The following GAL3ST2 variants were observed in gnomAD, a reference collection of about 807,000 sequenced individuals.
GAL3ST2 encodes galactose-3-O-sulfotransferase 2.
GAL3ST2 carries 16 observed loss-of-function variants against 12.9 expected under a neutral mutation model. The ratio of observed to expected loss-of-function variants is 1.24; its 90% CI spans 0.84 to 1.88. The LOEUF (loss-of-function observed/expected upper bound fraction) is 1.88, where lower values mean the gene tolerates loss of function less well. Among genes scored for constraint, GAL3ST2 ranks in the 40% most tolerant of loss-of-function variants. GAL3ST2 has a pLI of 0.00. For missense variants in GAL3ST2, 639 were observed against 571.8 expected (o/e 1.12, Z -1.20); for synonymous variants, 302 against 273.9 (o/e 1.10, Z -1.01).
In GAL3ST2 at chr2:241,800,635, T is replaced by A. The variant is rs989843310; in HGVS notation, c.120-1146T>A. Reference sequence around the variant, plus strand: ...TAAACCGCCAGAACCAGTCCGGGGCTGGGGGTCCCTGCTCAGGGGACAGTT... The same window carrying A: ...TAAACCGCCAGAACCAGTCCGGGGCAGGGGGTCCCTGCTCAGGGGACAGTT... On this transcript the variant is annotated intron_variant, in intron 2 of 3. Coordinates refer to ENST00000192314, the MANE Select transcript of GAL3ST2 (RefSeq NM_022134.3). The surrounding 1 kb of genome is among the most constrained non-coding windows in gnomAD (Gnocchi z 5.2). Among the ~76,000 whole-genome samples the A allele has an allele frequency of 2.0e-5, 3 of 152,150 alleles. No homozygotes were observed. Among genetic ancestry groups the A allele is most frequent in the Non-Finnish European group, 4.4e-5 (3 of 68,018 alleles).
chr2:241,783,671 A>G (rs1223224121), intron 1 of GAL3ST2, among the ~76,000 whole-genome samples: 2 of 152,080 alleles, frequency 1.3e-5, no homozygotes, highest in African/African-American at 4.8e-5. Flanking sequence ...ACATTTACCT[A>G]ATTATTTTAT....
At position 241,793,597 on chromosome 2, in the gene GAL3ST2, GTA is replaced by G. The variant is rs993690982; in HGVS notation, c.30-5464_30-5463del. 1.7e-4 allele frequency among the ~76,000 whole-genome samples: 24 copies of G among 144,940 alleles called. No homozygotes were observed. The highest frequency in any genetic ancestry group is 4.5e-4 in the South Asian group (2 of 4,416). ...CGTATATGTGTATGTATGTATATGT[GTA>G]TATGTGTGTGTATTGTGTGTGTACA... On this transcript the variant is annotated intron_variant, in intron 1 of 3. Coordinates refer to ENST00000192314, the MANE Select transcript of GAL3ST2 (RefSeq NM_022134.3). The surrounding 1 kb of genome is among the most constrained non-coding windows in gnomAD (Gnocchi z 4.7).
In GAL3ST2 at chr2:241,802,009, C is replaced by T. The variant is rs188018457; in HGVS notation, c.348C>T (p.Cys116=). ...CGCAGCAGCGCTTCAACATCATGTG[C>T]AACCACCTGAGGTTCAACCTGCCTC... ...VGSQQRFNIM[C]NHLRFNLPQV... Residue 116 remains cysteine, a synonymous_variant, in exon 3 of 4, where the codon TGC becomes TGT. Coordinates refer to ENST00000192314, the MANE Select transcript of GAL3ST2 (RefSeq NM_022134.3). The surrounding 1 kb of genome is among the most constrained non-coding windows in gnomAD (Gnocchi z 4.8). 1.9e-6 allele frequency: 3 copies of T among 1,612,292 alleles called. No individual in the cohort carries two copies. The East Asian group carries it at 6.7e-5, about 36-fold the overall frequency.
At position 241,793,300 on chromosome 2, in the gene GAL3ST2, A is replaced by G. The variant is rs985777234; in HGVS notation, c.30-5765A>G. Reference sequence around the variant, plus strand: ...CAGCGAGCTGGTCAGAAGGAACCGCAGGGGGATGTGTGTGTCCGTGTGTGT... The same window carrying G: ...CAGCGAGCTGGTCAGAAGGAACCGCGGGGGGATGTGTGTGTCCGTGTGTGT... On this transcript the variant is annotated intron_variant, in intron 1 of 3. Coordinates refer to ENST00000192314, the MANE Select transcript of GAL3ST2 (RefSeq NM_022134.3). This position sits in a 1 kb window ranked among gnomAD's most constrained non-coding sequence, Gnocchi z 4.7. Among the ~76,000 whole-genome samples the G allele has an allele frequency of 6.6e-6, 1 of 152,102 alleles. No homozygotes were observed. Among genetic ancestry groups the G allele is most frequent in the African/African-American group, 2.4e-5 (1 of 41,402 alleles).
chr2:241,804,219 C>T lies in GAL3ST2; in HGVS notation c.*53C>T, dbSNP rs1469104404. On this transcript the variant is annotated 3_prime_UTR_variant, in exon 4 of 4. Coordinates refer to ENST00000192314, the MANE Select transcript of GAL3ST2 (RefSeq NM_022134.3). The stretch of plus-strand genomic sequence containing the variant: ...TGCGGACACCAGCTCCTCTCTCCGC[C>T]GTCACCGGGGAGGCCGGGGATCCTT... The T allele has an allele frequency of 4.5e-6, 6 of 1,332,280 alleles. No individual in the cohort carries two copies. The highest frequency in any genetic ancestry group is 3.1e-5 in the African/African-American group (2 of 64,588). The allele number at this position is 1,332,280 out of a possible 1,614,324, so 82.5% of individuals were successfully genotyped here.
Position 241,779,279 on chromosome 2 carries a change from T to G in GAL3ST2, c.29+2295T>G, listed in dbSNP as rs373874475. ...GACGGAGTCTCGCTCTCTCTCCCAGTCTGGAGTGCAGTGGAGCGATCTCGG... is the reference window on the plus strand; with the variant it reads ...GACGGAGTCTCGCTCTCTCTCCCAGGCTGGAGTGCAGTGGAGCGATCTCGG... On this transcript the variant is annotated intron_variant, in intron 1 of 3. Coordinates refer to ENST00000192314, the MANE Select transcript of GAL3ST2 (RefSeq NM_022134.3). Among the ~76,000 whole-genome samples, 227 of 132,480 alleles carry G rather than the reference T, an allele frequency of 1.7e-3. 1 individual carries two copies. Among genetic ancestry groups the G allele is most frequent in the African/African-American group, 6.2e-3 (218 of 35,336 alleles). The allele number at this position is 132,480 out of a possible 152,430, so 86.9% of individuals were successfully genotyped here. A position where few individuals can be genotyped will look rare whatever the true frequency, so the allele number is the denominator to read the frequency against.
Position 241,803,451 on chromosome 2 carries a change from T to A in GAL3ST2, c.482T>A (p.Phe161Tyr). The A allele has an allele frequency of 3.1e-6, 5 of 1,611,896 alleles. No homozygotes were observed. The highest frequency in any genetic ancestry group is 2.5e-6 in the Non-Finnish European group (3 of 1,179,426). ...FIYYKTYAPAFRGAPSLDAFL... is the reference protein window; with the variant it reads ...FIYYKTYAPAYRGAPSLDAFL... ...TACTACAAAACCTACGCCCCCGCCTTCCGGGGCGCCCCGAGCCTGGACGCG... is the reference window on the plus strand; with the variant it reads ...TACTACAAAACCTACGCCCCCGCCTACCGGGGCGCCCCGAGCCTGGACGCG... Residue 161 changes from phenylalanine (F) to tyrosine (Y), a missense_variant, in exon 4 of 4, where the codon TTC becomes TAC. Coordinates refer to ENST00000192314, the MANE Select transcript of GAL3ST2 (RefSeq NM_022134.3).
At chr2:241,790,930 A>G (rs925220573) in intron 1 of GAL3ST2, among the ~76,000 whole-genome samples, 4 of 152,200 alleles carry the variant, frequency 2.6e-5, no homozygotes, top group Admixed American at 6.5e-5. Flanking sequence ...ATTCCTTACT[A>G]TTGATCCCAG....
chr2:241,779,707 C>T (rs940885934), intron 1 of GAL3ST2, among the ~76,000 whole-genome samples: 3 of 151,072 alleles, frequency 2.0e-5, no homozygotes, highest in African/African-American at 4.9e-5. Context: ...CTTATGTGGC[C>T]GGGCGCGGTG....
At chr2:241,787,023 CAGAG>C (rs1026992501) in intron 1 of GAL3ST2, among the ~76,000 whole-genome samples, 8 of 152,232 alleles carry the variant, frequency 5.3e-5, no homozygotes, top group South Asian at 4.2e-4. Context: ...ATCAGAAACT[CAGAG>C]AGGGTAATCA....
rs1177109950 is a variant in GAL3ST2, at chr2:241,801,352, G to T, written c.120-429G>T. ...GTAGATGTGCCACATTTTCTTTACG[G>T]TCTCTATGTAACATTCACACCCGGC... On this transcript the variant is annotated intron_variant, in intron 2 of 3. Coordinates refer to ENST00000192314, the MANE Select transcript of GAL3ST2 (RefSeq NM_022134.3). The surrounding 1 kb of genome is among the most constrained non-coding windows in gnomAD (Gnocchi z 4.4). 3 of 173,010 alleles carry T rather than the reference G, an allele frequency of 1.7e-5. No individual in the cohort carries two copies. Among genetic ancestry groups the T allele is most frequent in the Non-Finnish European group, 3.6e-5 (3 of 82,898 alleles). The allele number at this position is 173,010 out of a possible 1,614,324, so 10.7% of individuals were successfully genotyped here.
chr2:241,785,350 G>A (rs1368207434), intron 1 of GAL3ST2, among the ~76,000 whole-genome samples: 5 of 152,042 alleles, frequency 3.3e-5, no homozygotes, highest in Non-Finnish European at 7.4e-5. Flanking sequence ...TTAGGAGTTC[G>A]AGACCAGCCT....
At chr2:241,785,231 T>C (rs1699613922) in intron 1 of GAL3ST2, among the ~76,000 whole-genome samples, 1 of 152,096 alleles carries the variant, frequency 6.6e-6, no homozygotes, top group Non-Finnish European at 1.5e-5. Context: ...ATAAATCAGG[T>C]AACACAATAC....
chr2:241,803,405 C>T lies in GAL3ST2; in HGVS notation c.436C>T (p.Gln146Ter), dbSNP rs1699882556. ...CTCCATCCTGAGGAACCCCGTGTTCCAGCTGGAGTCCTCCTTCATCTACTA... is the reference window on the plus strand; with the variant it reads ...CTCCATCCTGAGGAACCCCGTGTTCTAGCTGGAGTCCTCCTTCATCTACTA... ...YFSILRNPVF[Q>*]LESSFIYYKT... The change falls in exon 4 of 4, where the codon CAG becomes TAG. Residue 146 changes from glutamine to a stop codon, truncating the protein, a stop_gained. Transcript: ENST00000192314. LOFTEE classifies it low-confidence loss of function (END_TRUNC). 6.2e-7 allele frequency: 1 copy of T among 1,612,748 alleles called. No individual in the cohort carries two copies. Among genetic ancestry groups the T allele is most frequent in the Non-Finnish European group, 8.5e-7 (1 of 1,179,518 alleles).
Position 241,799,161 on chromosome 2 carries a change from C to T in GAL3ST2, c.119+7C>T, listed in dbSNP as rs374619168. 4.3e-6 allele frequency: 7 copies of T among 1,612,438 alleles called. No homozygotes were observed. The African/African-American group carries it at 8.0e-5, about 18-fold the overall frequency. ...ACTTAGAGCTGGACACACCGTAAGT[C>T]CTGCCCCCACCATAAGTCCTGCCCC... is the stretch of plus-strand genomic sequence containing the variant. On this transcript the variant is annotated splice_region_variant and intron_variant, in intron 2 of 3. Coordinates refer to ENST00000192314, the MANE Select transcript of GAL3ST2 (RefSeq NM_022134.3).
chr2:241,796,541 G>A (rs943876929), intron 1 of GAL3ST2, among the ~76,000 whole-genome samples: 4 of 152,170 alleles, frequency 2.6e-5, no homozygotes, highest in African/African-American at 9.7e-5. Context: ...TGTGGTGAGC[G>A]GCTTCTGCAG....
In GAL3ST2 at chr2:241,795,797, G is replaced by C. The variant is rs771103606; in HGVS notation, c.30-3268G>C. On this transcript the variant is annotated intron_variant, in intron 1 of 3. Coordinates refer to ENST00000192314, the MANE Select transcript of GAL3ST2 (RefSeq NM_022134.3). The surrounding 1 kb of genome is among the most constrained non-coding windows in gnomAD (Gnocchi z 4.5). ...GCGGGACCCTGATCCCGCGTGGGGCGCATGGCCCTCTCTGCTCTGCGGCCC... is the reference window on the plus strand; with the variant it reads ...GCGGGACCCTGATCCCGCGTGGGGCCCATGGCCCTCTCTGCTCTGCGGCCC... Among the ~76,000 whole-genome samples the C allele has an allele frequency of 6.6e-6, 1 of 152,220 alleles. No homozygotes were observed. Among genetic ancestry groups the C allele is most frequent in the Non-Finnish European group, 1.5e-5 (1 of 68,050 alleles).
chr2:241,785,821 C>T (rs932087080), intron 1 of GAL3ST2, among the ~76,000 whole-genome samples: 20 of 151,850 alleles, frequency 1.3e-4, no homozygotes. Context: ...GACAAAAAAC[C>T]CAAAAACATG....
Position 241,803,497 on chromosome 2 carries a change from G to A in GAL3ST2, c.528G>A (p.Thr176=), listed in dbSNP as rs779060158. The change falls in exon 4 of 4, where the codon ACG becomes ACA. Residue 176 remains threonine (T), a synonymous_variant. Coordinates refer to ENST00000192314, the MANE Select transcript of GAL3ST2 (RefSeq NM_022134.3). ...SLDAFLASPR[T]FYNDSRHLRN... ...ACGCGTTCCTGGCCTCGCCGCGGAC[G>A]TTCTACAACGACAGCCGCCACCTCA... 1.9e-5 allele frequency: 30 copies of A among 1,611,500 alleles called. No individual in the cohort carries two copies. The highest frequency in any genetic ancestry group is 2.4e-5 in the Non-Finnish European group (28 of 1,179,410).
Sources: allele counts gnomAD v4.1 joint callset (sites outside exome capture counted in the v4.1 genomes callset), GRCh38; gene constraint gnomAD v4.1.1; non-coding constraint Gnocchi (gnomAD v3.1); transcripts MANE v1.5; gene names NCBI Gene and HGNC (gene_info 2026-07-23, HGNC 2026-07-21).